The following MPG variants were observed in gnomAD, a reference collection of about 807,000 sequenced individuals.
The protein encoded by MPG is DNA-3-methyladenine glycosylase.
A neutral mutation model predicts 31.7 loss-of-function variants in MPG; 33 were observed. That is an observed-to-expected ratio of 1.04 (90% CI 0.79 to 1.39). MPG has a LOEUF of 1.39. Among genes scored for constraint, MPG ranks in the 40% most tolerant of loss-of-function variants. MPG has a pLI of 0.00. For missense variants in MPG, 455 were observed against 415.5 expected (o/e 1.10, Z -0.83); for synonymous variants, 202 against 169.2 (o/e 1.19, Z -1.51).
rs759808039 is a variant in MPG, at chr16:83,109, G to A, written c.358G>A (p.Glu120Lys). The A allele has an allele frequency of 7.6e-5, 122 of 1,612,858 alleles. No individual in the cohort carries two copies. Among genetic ancestry groups the A allele is most frequent in the African/African-American group, 1.1e-4 (8 of 74,912 alleles). The change falls in exon 3 of 4, where the codon GAG (glutamate) becomes AAG (lysine). Residue 120 changes from glutamate (E) to lysine (K), a missense_variant. Physicochemically the swap from Glu to Lys is moderately conservative, Grantham distance 56. Coordinates refer to ENST00000356432, the MANE Select transcript of MPG (RefSeq NM_001015052.3). Reference sequence around the variant, plus strand: ...ACTCCGAGGCCGCATCGTGGAGACCGAGGCATACCTGGGGCCAGAGGATGA... The same window carrying A: ...ACTCCGAGGCCGCATCGTGGAGACCAAGGCATACCTGGGGCCAGAGGATGA... ...TELRGRIVET[E>K]AYLGPEDEAA... is the part of the protein sequence containing the mutation.
chr16:83,290 C>A, intron 3 of MPG, 34 bp downstream of exon 3: 2 of 1,583,332 alleles, frequency 1.3e-6, no homozygotes, highest in Non-Finnish European at 1.7e-6. Flanking sequence ...GGTTGGAGGG[C>A]CGGCAGAGCC....
chr16:79,464 A>G lies in MPG; in HGVS notation c.64A>G (p.Arg22Gly). The change falls in exon 2 of 4, where the codon AGA becomes GGA. Residue 22 changes from arginine (R) to glycine (G), a missense_variant. Arg to Gly is a moderately radical substitution (Grantham distance 125). Transcript: ENST00000356432. ...GGGGCAAAAGAAGCAGCGACCAGCTAGAGCAGGGCAGCCACACAGCTCGTC... is the reference window on the plus strand; with the variant it reads ...GGGGCAAAAGAAGCAGCGACCAGCTGGAGCAGGGCAGCCACACAGCTCGTC... ...RMGQKKQRPA[R>G]AGQPHSSSDA... The G allele has an allele frequency of 1.2e-6, 2 of 1,613,126 alleles. No homozygotes were observed. The highest frequency in any genetic ancestry group is 1.7e-6 in the Non-Finnish European group (2 of 1,180,004).
At chr16:83,026 C>T in intron 2 of MPG, 26 bp from the exon 3 acceptor site, 1 of 1,563,538 alleles carries the variant, frequency 6.4e-7, no homozygotes, top group Non-Finnish European at 8.7e-7. Context: ...CCCTTCCCGC[C>T]CTGAGCAGAA....
chr16:79,535 TG>T lies in MPG; in HGVS notation c.136del (p.Ala46GlnfsTer57). On this transcript the variant is annotated frameshift_variant, in exon 2 of 4. Transcript: ENST00000356432. LOFTEE classifies it high-confidence loss of function. Reference sequence around the variant, plus strand: ...CAGAGCAGCCACACAGCTCGTCCGATGCAGCCCAGGCACCTTGCCCCAGGGA... The same window carrying T: ...CAGAGCAGCCACACAGCTCGTCCGATCAGCCCAGGCACCTTGCCCCAGGGA... ...PAEQPHSSSD[A>X]AQAPCPRERC... 6.2e-7 allele frequency: 1 copy of T among 1,612,888 alleles called. No homozygotes were observed. The highest frequency in any genetic ancestry group is 8.5e-7 in the Non-Finnish European group (1 of 1,179,966).
At chr16:80,734 G>A (rs919657536) in intron 2 of MPG, among the ~76,000 whole-genome samples, 10 of 152,124 alleles carry the variant, frequency 6.6e-5, no homozygotes, top group African/African-American at 2.2e-4. Flanking sequence ...ACTTGAACCC[G>A]GGAGGCAGAG....
At position 78,320 on chromosome 16, in the gene MPG, G is replaced by A; in HGVS notation, c.11G>A (p.Arg4His). Reference protein sequence around the residue: MPARSGAQFCRRMG... With the variant: MPAHSGAQFCRRMG... ...GGCCCGAGCCGCCGGATGCCCGCGC[G>A]CAGCGGGGCCCAGGTGAGCGCGCGC... The change falls in exon 1 of 4, where the codon CGC becomes CAC. Residue 4 changes from arginine (R) to histidine (H), a missense_variant. Physicochemically the swap from Arg to His is conservative, Grantham distance 29 (BLOSUM62 0). Transcript: ENST00000356432. 3.8e-6 allele frequency: 5 copies of A among 1,323,786 alleles called. No homozygotes were observed. The highest frequency in any genetic ancestry group is 4.8e-6 in the Non-Finnish European group (5 of 1,035,126). 82.0% of individuals were successfully genotyped at this position (1,323,786 alleles called of 1,614,324 possible). A position where few individuals can be genotyped will look rare whatever the true frequency, so the allele number is the denominator to read the frequency against.
At chr16:79,805 T>G in intron 2 of MPG, 105 bp downstream of exon 2, 3 of 1,296,314 alleles carry the variant, frequency 2.3e-6, no homozygotes, top group Non-Finnish European at 3.2e-6. Context: ...TTAGTCCTCC[T>G]TGTCCTCATG....
chr16:84,600 AG>A (rs1898364138), intron 3 of MPG: 1 of 152,424 alleles, frequency 6.6e-6, no homozygotes, highest in African/African-American at 2.4e-5. Flanking sequence ...CCAAACCTGC[AG>A]GGCAGAGGGA....
rs977995564 is a variant in MPG at position 79,243 on chromosome 16, C to T, written c.25-182C>T. The T allele has an allele frequency of 1.9e-6, 3 of 1,552,534 alleles. No individual in the cohort carries two copies. The African/African-American group carries it at 4.1e-5, about 21-fold the overall frequency. On this transcript the variant is annotated intron_variant, in intron 1 of 3. Transcript: ENST00000356432. Reference sequence around the variant, plus strand: ...GTCCATCGTCAGACGTGATCATTTCCTGAGGCCTCGAGTGTGTCAGGGTGT... The same window carrying T: ...GTCCATCGTCAGACGTGATCATTTCTTGAGGCCTCGAGTGTGTCAGGGTGT...
intron 2 of MPG, 58 bp from the exon 3 acceptor site, chr16:82,994 G>T: frequency 6.8e-7 from 1 of 1,471,418 alleles, no homozygotes; most frequent in East Asian, 2.3e-5. Flanking sequence ...GCTGGGCACT[G>T]TTAGGGTGAG....
chr16:85,616 C>G lies in MPG; in HGVS notation c.721C>G (p.Arg241Gly). 6.2e-7 allele frequency: 1 copy of G among 1,604,224 alleles called. No homozygotes were observed. The highest frequency in any genetic ancestry group is 8.5e-7 in the Non-Finnish European group (1 of 1,172,912). Residue 241 changes from arginine to glycine, a missense_variant, in exon 4 of 4, where the codon CGT becomes GGT. By Grantham distance (125) the Arg-to-Gly change is moderately radical. Coordinates refer to ENST00000356432, the MANE Select transcript of MPG (RefSeq NM_001015052.3). Reference protein sequence around the residue: ...LAQDEAVWLERGPLEPSEPAV... With the variant: ...LAQDEAVWLEGGPLEPSEPAV... Reference sequence around the variant, plus strand: ...ACAGGATGAAGCTGTATGGCTGGAGCGTGGTCCCCTGGAGCCCAGTGAGCC... The same window carrying G: ...ACAGGATGAAGCTGTATGGCTGGAGGGTGGTCCCCTGGAGCCCAGTGAGCC...
chr16:81,800 G>A lies in MPG; in HGVS notation c.301-1252G>A, dbSNP rs1271026366. 7.9e-4 allele frequency among the ~76,000 whole-genome samples: 37 copies of A among 47,058 alleles called. 3 individuals carry two copies. The highest frequency in any genetic ancestry group is 4.1e-3 in the East Asian group (7 of 1,708). 30.9% of individuals were successfully genotyped at this position (47,058 alleles called of 152,430 possible). A position where few individuals can be genotyped will look rare whatever the true frequency, so the allele number is the denominator to read the frequency against. On this transcript the variant is annotated intron_variant, in intron 2 of 3. Coordinates refer to ENST00000356432, the MANE Select transcript of MPG (RefSeq NM_001015052.3). The stretch of plus-strand genomic sequence containing the variant: ...GGAAGCCCTCCTGAATGCTCCCGGC[G>A]CTGACCCCTTCTTCCCACCACCCTA...
Position 79,423 on chromosome 16 carries a change from A to G in MPG, c.25-2A>G, listed in dbSNP as rs1898178500. The G allele has an allele frequency of 6.2e-7, 1 of 1,613,116 alleles. No individual in the cohort carries two copies. The highest frequency in any genetic ancestry group is 2.2e-5 in the East Asian group (1 of 44,894). On this transcript the variant is annotated splice_acceptor_variant, in intron 1 of 3. Coordinates refer to ENST00000356432, the MANE Select transcript of MPG (RefSeq NM_001015052.3). LOFTEE classifies it high-confidence loss of function. ...GCTTATTTATTTTTTTTCCCATTAC[A>G]GTTTTGCCGACGGATGGGGCAAAAG...
chr16:85,778 G>C lies in MPG; in HGVS notation c.*1G>C. Reference sequence around the variant, plus strand: ...GGCTGAGCAGGACACACAGGCCTGAGCAAAGGGCCTGCCCAGACAAGATTT... The same window carrying C: ...GGCTGAGCAGGACACACAGGCCTGACCAAAGGGCCTGCCCAGACAAGATTT... On this transcript the variant is annotated 3_prime_UTR_variant, in exon 4 of 4. Transcript: ENST00000356432. 1 of 1,491,988 alleles carries C rather than the reference G, an allele frequency of 6.7e-7. No homozygotes were observed. Among genetic ancestry groups the C allele is most frequent in the Non-Finnish European group, 8.9e-7 (1 of 1,119,812 alleles). 92.4% of individuals were successfully genotyped at this position (1,491,988 alleles called of 1,614,324 possible).
At chr16:81,677 G>A (rs1467975627) in intron 2 of MPG, among the ~76,000 whole-genome samples, 2 of 125,054 alleles carry the variant, frequency 1.6e-5, no homozygotes, top group Non-Finnish European at 3.2e-5. Context: ...CCTCCTGAAT[G>A]CTCCCCACAC....
intron 2 of MPG, among the ~76,000 whole-genome samples, chr16:81,712 T>C (rs2541630): frequency 1.6e-3 from 146 of 92,460 alleles, no homozygotes; most frequent in African/African-American, 0.011. Flanking sequence ...CACCACCCTA[T>C]CTCCGGGAAG....
chr16:79,195 C>T, intron 1 of MPG: 2 of 1,547,384 alleles, frequency 1.3e-6, no homozygotes, highest in Non-Finnish European at 1.7e-6. Flanking sequence ...GGCAGAGCAG[C>T]CACCCTGCCC....
chr16:80,698 A>C (rs1898215709), intron 2 of MPG, among the ~76,000 whole-genome samples: 1 of 152,174 alleles, frequency 6.6e-6, no homozygotes, highest in African/African-American at 2.4e-5. Flanking sequence ...AATCTCAGCT[A>C]CTTGGGAGGC....
chr16:79,044 C>G, intron 1 of MPG: 2 of 1,428,774 alleles, frequency 1.4e-6, no homozygotes, highest in South Asian at 1.5e-5. Flanking sequence ...GCTCCAGAAA[C>G]CAGCTCAGAC....
Sources: gnomAD v4.1 joint callset for allele counts (sites outside exome capture counted in the v4.1 genomes callset) on GRCh38, gnomAD v4.1.1 for gene constraint, MANE v1.5 for transcripts, NCBI Gene and HGNC (gene_info 2026-07-23, HGNC 2026-07-21) for gene names.